GKAP1: variants seen among roughly 807,000 people sequenced by gnomAD.
GKAP1 encodes G kinase-anchoring protein 1.
GKAP1 carries 31 observed loss-of-function variants against 56.7 expected under a neutral mutation model. That is an observed-to-expected ratio of 0.55 (90% CI 0.41 to 0.74). GKAP1 has a LOEUF of 0.74. Among genes scored for constraint, GKAP1 ranks in the 30% least tolerant of loss-of-function variants. The pLI, the probability that GKAP1 is intolerant of heterozygous loss-of-function variation, is 0.00. For synonymous variants in GKAP1, 151 were observed against 138.6 expected (o/e 1.09, Z -0.63); for missense variants, 364 against 402.3 (o/e 0.90, Z 0.82).
chr9:83,761,360 C>T (rs1943567794), intron 8 of GKAP1, among the ~76,000 whole-genome samples: 1 of 152,004 alleles, frequency 6.6e-6, no homozygotes, highest in Non-Finnish European at 1.5e-5. Context: ...ATACAACCTA[C>T]CAAGATTGAA....
At chr9:83,802,798 C>G (rs1944352509) in intron 3 of GKAP1, among the ~76,000 whole-genome samples, 1 of 151,260 alleles carries the variant, frequency 6.6e-6, no homozygotes, top group African/African-American at 2.4e-5. Flanking sequence ...TGAACTCCAG[C>G]CTGGACAAGA....
At chr9:83,757,171 C>CA (rs1016267372) in intron 8 of GKAP1, among the ~76,000 whole-genome samples, 1 of 151,844 alleles carries the variant, frequency 6.6e-6, no homozygotes, top group African/African-American at 2.4e-5. Flanking sequence ...TTGGCTGGGG[C>CA]AGTGAGAGAG....
chr9:83,779,444 T>TACACACACACACACACACAC (rs1264892337), intron 7 of GKAP1, among the ~76,000 whole-genome samples: 18 of 82,766 alleles, frequency 2.2e-4, no homozygotes, highest in East Asian at 1.3e-3. Context: ...TATATATATA[T>TACACACACACACACACACAC]ATATACACAC....
chr9:83,783,148 TTC>T (rs1374581576), intron 6 of GKAP1, among the ~76,000 whole-genome samples: 1 of 152,230 alleles, frequency 6.6e-6, no homozygotes, highest in East Asian at 1.9e-4. Flanking sequence ...TTGGGTTTTT[TTC>T]TTTTTGAAAT....
In GKAP1 at chr9:83,758,390, T is replaced by C. The variant is rs79651676; in HGVS notation, c.739-5031A>G. Among the ~76,000 whole-genome samples the C allele has an allele frequency of 1.5e-3, 229 of 152,286 alleles. 2 individuals carry two copies. In the East Asian group the frequency reaches 0.022, roughly 15 times the overall value. On this transcript the variant is annotated intron_variant, in intron 8 of 12. Transcript: ENST00000376371. The stretch of plus-strand genomic sequence containing the variant: ...ACTAGATTCATTATTGTTGTAATTA[T>C]TTTAAAATACCTATGCATCTAGGCA...
At chr9:83,758,129 T>C (rs1480240862) in intron 8 of GKAP1, among the ~76,000 whole-genome samples, 2 of 152,332 alleles carry the variant, frequency 1.3e-5, no homozygotes, top group Admixed American at 1.3e-4. Context: ...ATCCTGCTGC[T>C]AGAAGACAAT....
At chr9:83,745,171 T>C (rs765075440) in intron 10 of GKAP1, among the ~76,000 whole-genome samples, 11 of 152,056 alleles carry the variant, frequency 7.2e-5, no homozygotes, top group Non-Finnish European at 1.2e-4. Flanking sequence ...GCTGGGACCA[T>C]AGGCGTGCAC....
rs191694849 is a variant in GKAP1, at chr9:83,768,209, T to C, written c.738+609A>G. On this transcript the variant is annotated intron_variant, in intron 8 of 12. Transcript: ENST00000376371. Reference sequence around the variant, plus strand: ...CCACACTTGCTTAACTGTAAACTTCTTAGTTGCAGAATTTTTCAGTTTCCT... The same window carrying C: ...CCACACTTGCTTAACTGTAAACTTCCTAGTTGCAGAATTTTTCAGTTTCCT... Among the ~76,000 whole-genome samples the C allele has an allele frequency of 1.2e-3, 186 of 152,310 alleles. 1 individual carries two copies. The highest frequency in any genetic ancestry group is 4.3e-3 in the African/African-American group (179 of 41,562).
At chr9:83,804,983 T>C (rs1944413789) in intron 3 of GKAP1, among the ~76,000 whole-genome samples, 1 of 152,002 alleles carries the variant, frequency 6.6e-6, no homozygotes, top group South Asian at 2.1e-4. Flanking sequence ...AACAGCTCAT[T>C]GAGAACGGGC....
At chr9:83,812,461 C>T (rs1310904369) in intron 2 of GKAP1, among the ~76,000 whole-genome samples, 1 of 150,878 alleles carries the variant, frequency 6.6e-6, no homozygotes, top group Non-Finnish European at 1.5e-5. Flanking sequence ...GATTCTCCCA[C>T]CTCGGCCTCC....
chr9:83,779,448 T>TATATATATATATATATACACAC, intron 7 of GKAP1, among the ~76,000 whole-genome samples: 1 of 119,614 alleles, frequency 8.4e-6, no homozygotes, highest in African/African-American at 3.1e-5. Context: ...TATATATATA[T>TATATATATATATATATACACAC]ACACACACAC....
At chr9:83,745,713 A>C (rs902996597) in intron 10 of GKAP1, among the ~76,000 whole-genome samples, 3 of 152,202 alleles carry the variant, frequency 2.0e-5, no homozygotes, top group African/African-American at 4.8e-5. Flanking sequence ...TAAAAGACCC[A>C]CATGGAGATC....
Position 83,780,315 on chromosome 9 carries a change from C to T in GKAP1, c.585+67G>A, listed in dbSNP as rs946375762. On this transcript the variant is annotated intron_variant, in intron 7 of 12. Transcript: ENST00000376371. ...ATTATGTCTCAAAAAAGACTTACTGCTAAGTATTTAAGTATTATTCTTAAA... is the reference window on the plus strand; with the variant it reads ...ATTATGTCTCAAAAAAGACTTACTGTTAAGTATTTAAGTATTATTCTTAAA... The T allele has an allele frequency of 2.0e-5, 18 of 921,078 alleles. 1 individual carries two copies. In the Middle Eastern group the frequency reaches 1.7e-3, roughly 86 times the overall value. The allele number at this position is 921,078 out of a possible 1,614,324, so 57.1% of individuals were successfully genotyped here.
At chr9:83,775,676 G>C (rs1283564133) in intron 7 of GKAP1, among the ~76,000 whole-genome samples, 1 of 151,828 alleles carries the variant, frequency 6.6e-6, no homozygotes, top group African/African-American at 2.4e-5. Context: ...AGGAGTTTGA[G>C]ACCAGCCTGA....
intron 9 of GKAP1, among the ~76,000 whole-genome samples, chr9:83,750,512 T>C (rs1177800672): frequency 6.6e-6 from 1 of 152,202 alleles, no homozygotes; most frequent in Non-Finnish European, 1.5e-5. Flanking sequence ...CTCAGCAACA[T>C]GCATCATCAT....
At chr9:83,765,878 G>A (rs1210506883) in intron 8 of GKAP1, among the ~76,000 whole-genome samples, 1 of 152,186 alleles carries the variant, frequency 6.6e-6, no homozygotes, top group African/African-American at 2.4e-5. Context: ...TATCTCAGAT[G>A]AAACTTTAGA....
At chr9:83,741,564 A>C (rs1943209298) in intron 12 of GKAP1, among the ~76,000 whole-genome samples, 1 of 152,138 alleles carries the variant, frequency 6.6e-6, no homozygotes, top group South Asian at 2.1e-4. Context: ...ATACAATCTT[A>C]AAGTATCACC....
intron 6 of GKAP1, among the ~76,000 whole-genome samples, chr9:83,782,659 C>T (rs1467589982): frequency 2.8e-5 from 4 of 141,556 alleles, no homozygotes; most frequent in Non-Finnish European, 4.6e-5. Context: ...ACGCGCCCAG[C>T]CTTTTTTTTT....
chr9:83,806,652 TTTC>T (rs1944444083), intron 2 of GKAP1, 92 bp from the exon 3 acceptor site: 1 of 703,108 alleles, frequency 1.4e-6, no homozygotes, highest in African/African-American at 1.8e-5. Context: ...ATAAAATAAA[TTTC>T]TTCTGACACT....
Sources: gnomAD v4.1 joint callset for allele counts (sites outside exome capture counted in the v4.1 genomes callset) on GRCh38, gnomAD v4.1.1 for gene constraint, MANE v1.5 for transcripts, NCBI Gene and HGNC (gene_info 2026-07-23, HGNC 2026-07-21) for gene names.